The following EBF1 variants were observed in gnomAD, a reference collection of about 807,000 sequenced individuals.
EBF1 encodes the protein transcription factor COE1.
Under a neutral mutation model 68.4 loss-of-function variants are expected in EBF1, and 10 were observed. That is an observed-to-expected ratio of 0.15 (90% CI 0.09 to 0.25). The LOEUF (loss-of-function observed/expected upper bound fraction) is 0.25, where lower values mean the gene tolerates loss of function less well. EBF1 is among the 10% of genes least tolerant of loss of function. The pLI is 1.00. For synonymous variants in EBF1, 298 were observed against 299.8 expected (o/e 0.99, Z 0.06); for missense variants, 509 against 794.4 (o/e 0.64, Z 4.32).
chr5:158,872,972 G>T (rs1359336903), intron 6 of EBF1, among the ~76,000 whole-genome samples: 1 of 146,988 alleles, frequency 6.8e-6, no homozygotes, highest in Non-Finnish European at 1.5e-5. Context: ...TTTGTCCAGG[G>T]CTCTTCAGTC....
intron 6 of EBF1, among the ~76,000 whole-genome samples, chr5:158,910,184 G>T (rs1203598416): frequency 6.6e-6 from 1 of 152,014 alleles, no homozygotes; most frequent in Non-Finnish European, 1.5e-5. Flanking sequence ...TTTGTCCTCT[G>T]GTCCTCAGTG....
At chr5:158,815,081 A>G (rs1256686694) in intron 8 of EBF1, among the ~76,000 whole-genome samples, 2 of 152,194 alleles carry the variant, frequency 1.3e-5, no homozygotes, top group Non-Finnish European at 2.9e-5. Context: ...TCATACTGTA[A>G]TGTAACAGAG....
intron 6 of EBF1, among the ~76,000 whole-genome samples, chr5:159,025,427 T>G (rs1309590727): frequency 1.3e-5 from 2 of 152,254 alleles, no homozygotes; most frequent in Non-Finnish European, 2.9e-5. Context: ...CTGCAACTAC[T>G]GCCTGAGTAC....
At chr5:158,808,922 A>G (rs1355089022) in intron 8 of EBF1, among the ~76,000 whole-genome samples, 1 of 152,156 alleles carries the variant, frequency 6.6e-6, no homozygotes, top group Non-Finnish European at 1.5e-5. Flanking sequence ...CATCTTTTGC[A>G]TGAAGGTGTC....
chr5:159,014,090 G>A (rs1200461892), intron 6 of EBF1, among the ~76,000 whole-genome samples: 1 of 152,214 alleles, frequency 6.6e-6, no homozygotes, highest in Admixed American at 6.5e-5. Flanking sequence ...GGAACCATCT[G>A]TGAGAGTATC....
intron 10 of EBF1, among the ~76,000 whole-genome samples, chr5:158,755,354 A>G (rs2127599902): frequency 6.6e-6 from 1 of 152,114 alleles, no homozygotes; most frequent in Middle Eastern, 3.4e-3. Context: ...TCTTCTCCCT[A>G]GCCATTTACC....
intron 6 of EBF1, among the ~76,000 whole-genome samples, chr5:158,972,098 C>G (rs1346357405): frequency 1.3e-5 from 2 of 152,186 alleles, no homozygotes; most frequent in Non-Finnish European, 2.9e-5. Flanking sequence ...TACACAAAAG[C>G]CAAGGTGTCC....
chr5:159,099,802 CTT>C lies in EBF1; in HGVS notation c.-326_-325del, dbSNP rs773725642. On this transcript the variant is annotated 5_prime_UTR_variant, in exon 1 of 16. Coordinates refer to ENST00000313708, the MANE Select transcript of EBF1 (RefSeq NM_024007.5). ...GGTTGGTTGATTTTTGGTTTGGGTG[CTT>C]TTTTTTTTTTTTTGCTTTTTTTTTT... 8 of 40,720 alleles carry C rather than the reference CTT, an allele frequency of 2.0e-4. No homozygotes were observed. Among genetic ancestry groups the C allele is most frequent in the Middle Eastern group, 0.011 (1 of 88 alleles). The allele number at this position is 40,720 out of a possible 1,614,324, so 2.5% of individuals were successfully genotyped here.
chr5:158,708,745 G>T lies in EBF1; in HGVS notation c.1550-572C>A, dbSNP rs551937427. ...AAGTTCTAGGAAAGAGGCTGGGGTA[G>T]GGGGAACAGGAAGAAGCCAGCTTGA... On this transcript the variant is annotated intron_variant, in intron 14 of 15. Transcript: ENST00000313708. Among the ~76,000 whole-genome samples the T allele has an allele frequency of 2.6e-5, 4 of 152,344 alleles. No individual in the cohort carries two copies. In the East Asian group the frequency reaches 7.7e-4, roughly 29 times the overall value.
intron 6 of EBF1, chr5:158,986,402 C>A: frequency 6.6e-6 from 1 of 152,202 alleles, no homozygotes; most frequent in Non-Finnish European, 1.5e-5. Context: ...GTTTCTCAGG[C>A]AGGGGCCTCA....
chr5:159,024,563 C>T (rs749173291), intron 6 of EBF1, among the ~76,000 whole-genome samples: 14 of 152,188 alleles, frequency 9.2e-5, no homozygotes, highest in African/African-American at 2.4e-5. Flanking sequence ...TTTCCAAACA[C>T]AGATCCCAAG....
chr5:159,061,433 G>GA (rs769363443), intron 6 of EBF1, among the ~76,000 whole-genome samples: 4,473 of 140,036 alleles, frequency 0.032, 170 homozygotes, highest in African/African-American at 0.1. Context: ...GAACTTCCAA[G>GA]AAAAAAAAAA....
intron 8 of EBF1, among the ~76,000 whole-genome samples, chr5:158,807,555 G>C (rs1209904322): frequency 6.6e-6 from 1 of 152,092 alleles, no homozygotes; most frequent in African/African-American, 2.4e-5. Flanking sequence ...ATGGCTGAAG[G>C]CTGGATTCAG....
intron 6 of EBF1, among the ~76,000 whole-genome samples, chr5:158,943,995 G>A (rs1402081658): frequency 1.3e-5 from 2 of 152,220 alleles, no homozygotes; most frequent in Admixed American, 6.5e-5. Flanking sequence ...TCCCATCAAA[G>A]CACTCCAAGC....
chr5:158,903,324 T>C (rs1435423937), intron 6 of EBF1, among the ~76,000 whole-genome samples: 1 of 152,232 alleles, frequency 6.6e-6, no homozygotes, highest in African/African-American at 2.4e-5. Flanking sequence ...CCCCTTTTTT[T>C]CTTTTTCTCT....
intron 6 of EBF1, among the ~76,000 whole-genome samples, chr5:158,845,241 T>C (rs1342322213): frequency 6.6e-6 from 1 of 152,166 alleles, no homozygotes; most frequent in Admixed American, 6.5e-5. Context: ...GCATTGGAGC[T>C]AAGAGAAGCC....
chr5:159,055,274 G>A (rs1369998173), intron 6 of EBF1, among the ~76,000 whole-genome samples: 1 of 152,192 alleles, frequency 6.6e-6, no homozygotes, highest in African/African-American at 2.4e-5. Context: ...TAAGGGTAGA[G>A]AGGATTAAAG....
chr5:158,861,141 G>A (rs1157171168), intron 6 of EBF1, among the ~76,000 whole-genome samples: 1 of 152,030 alleles, frequency 6.6e-6, no homozygotes, highest in African/African-American at 2.4e-5. Context: ...GTCCCCTGGA[G>A]GATTCAAGGT....
intron 6 of EBF1, among the ~76,000 whole-genome samples, chr5:158,840,910 A>G (rs1790220451): frequency 6.6e-6 from 1 of 151,610 alleles, no homozygotes; most frequent in South Asian, 2.1e-4. Context: ...TGACCTCGTG[A>G]TCCGCCCGCC....
Sources: gnomAD v4.1 joint callset for allele counts (sites outside exome capture counted in the v4.1 genomes callset) on GRCh38, gnomAD v4.1.1 for gene constraint, MANE v1.5 for transcripts, NCBI Gene and HGNC (gene_info 2026-07-23, HGNC 2026-07-21) for gene names.